Variants in ASTN2 observed in about 807,000 individuals in gnomAD.
The protein encoded by ASTN2 is astrotactin 2.
ASTN2 carries 54 observed loss-of-function variants against 139.8 expected under a neutral mutation model. The observed-to-expected ratio is 0.39, with a 90% CI of 0.31 to 0.48. The LOEUF is 0.48. Ranked by LOEUF, ASTN2 falls within the 20% of genes least tolerant of loss-of-function variation. ASTN2 has a pLI of 0.95. For synonymous variants in ASTN2, 756 were observed against 719.5 expected, an observed-to-expected ratio of 1.05 and a Z score of -0.81; for missense variants, 1,565 against 1,725.1, an observed-to-expected ratio of 0.91 and a Z score of 1.64.
intron 5 of ASTN2, among the ~76,000 whole-genome samples, chr9:117,075,785 T>G (rs1278065348): frequency 1.3e-5 from 2 of 152,236 alleles, no homozygotes; most frequent in East Asian, 3.9e-4. Flanking sequence ...CTCTTTTCCA[T>G]GCTGTTTACT....
intron 1 of ASTN2, among the ~76,000 whole-genome samples, chr9:117,329,800 T>C (rs931397949): frequency 1.1e-4 from 17 of 152,168 alleles, no homozygotes; most frequent in Admixed American, 8.5e-4. Flanking sequence ...CATTTATTGT[T>C]TACTATGTTC....
At chr9:116,719,683 A>C (rs1428536404) in intron 16 of ASTN2, among the ~76,000 whole-genome samples, 3 of 152,152 alleles carry the variant, frequency 2.0e-5, no homozygotes, top group African/African-American at 7.2e-5. Context: ...ATGACCATAG[A>C]AACAAGTCTA....
intron 10 of ASTN2, among the ~76,000 whole-genome samples, chr9:116,881,514 A>G (rs1833448771): frequency 6.6e-6 from 1 of 152,196 alleles, no homozygotes; most frequent in Non-Finnish European, 1.5e-5. Flanking sequence ...AGACTATAGC[A>G]CCTACCTCTC....
intron 10 of ASTN2, among the ~76,000 whole-genome samples, chr9:116,865,186 A>G (rs1397224199): frequency 1.3e-5 from 2 of 151,988 alleles, no homozygotes; most frequent in African/African-American, 4.8e-5. Flanking sequence ...GATGGTGAGG[A>G]AGGGCTGGGC....
intron 2 of ASTN2, among the ~76,000 whole-genome samples, chr9:117,242,561 C>T (rs1833248221): frequency 6.6e-6 from 1 of 152,148 alleles, no homozygotes; most frequent in Admixed American, 6.5e-5. Context: ...TAATAAATGC[C>T]TTATGGCACC....
intron 5 of ASTN2, among the ~76,000 whole-genome samples, chr9:117,090,909 T>C (rs1421834230): frequency 6.6e-6 from 1 of 152,230 alleles, no homozygotes; most frequent in Non-Finnish European, 1.5e-5. Flanking sequence ...CTCCCACCAC[T>C]AGCCCTCAGT....
intron 4 of ASTN2, among the ~76,000 whole-genome samples, chr9:117,126,345 G>A (rs560735502): frequency 6.6e-6 from 1 of 152,316 alleles, no homozygotes; most frequent in East Asian, 1.9e-4. Flanking sequence ...AAGCAGTCAG[G>A]TCTAAATTTA....
chr9:116,559,061 C>T (rs1029290867), intron 19 of ASTN2, among the ~76,000 whole-genome samples: 2 of 152,130 alleles, frequency 1.3e-5, no homozygotes, highest in Admixed American at 6.5e-5. Flanking sequence ...AGTTCTTACC[C>T]GACTCTACTT....
At position 116,509,049 on chromosome 9, in the gene ASTN2, C is replaced by T. The variant is rs577908587; in HGVS notation, c.3356-21549G>A. On this transcript the variant is annotated intron_variant, in intron 19 of 22. Transcript: ENST00000313400. ...TATAATTTAAGTTCTAGGGTACATG[C>T]GTACAACGTGCAGGTTAGTTACATA... Among the ~76,000 whole-genome samples the T allele has an allele frequency of 4.6e-5, 7 of 152,116 alleles. No individual in the cohort carries two copies. In the South Asian group the frequency reaches 8.3e-4, roughly 18 times the overall value.
chr9:117,083,252 G>A (rs777550337), intron 5 of ASTN2, among the ~76,000 whole-genome samples: 1 of 152,110 alleles, frequency 6.6e-6, no homozygotes, highest in Non-Finnish European at 1.5e-5. Context: ...CATTCAAAGC[G>A]TTTCTCAATC....
rs146557499 is a variant in ASTN2 at position 117,298,024 on chromosome 9, G to A, written c.443-6511C>T. 1.6e-4 allele frequency among the ~76,000 whole-genome samples: 24 copies of A among 152,222 alleles called. No homozygotes were observed. The East Asian group carries it at 4.1e-3, about 26-fold the overall frequency. Reference sequence around the variant, plus strand: ...CTCCTTAACAGGTATCCCTACCTTCGGGCTTCCTTCCTTCCAGCCAACCAT... The same window carrying A: ...CTCCTTAACAGGTATCCCTACCTTCAGGCTTCCTTCCTTCCAGCCAACCAT... On this transcript the variant is annotated intron_variant, in intron 1 of 22. Coordinates refer to ENST00000313400, the MANE Select transcript of ASTN2 (RefSeq NM_001365068.1).
intron 1 of ASTN2, among the ~76,000 whole-genome samples, chr9:117,384,113 G>A (rs573930221): frequency 5.4e-4 from 82 of 152,242 alleles, no homozygotes; most frequent in Admixed American, 2.2e-3. Flanking sequence ...AAATATGGGC[G>A]GTGGGACTGA....
intron 10 of ASTN2, among the ~76,000 whole-genome samples, chr9:116,964,256 T>C (rs111489847): frequency 0.032 from 3,161 of 98,786 alleles, 81 homozygotes; most frequent in Middle Eastern, 0.067. Context: ...TGTGTGTGTG[T>C]GCGCGCGCGC....
At chr9:117,220,710 T>C (rs1038286968) in intron 2 of ASTN2, among the ~76,000 whole-genome samples, 1 of 152,140 alleles carries the variant, frequency 6.6e-6, no homozygotes, top group Non-Finnish European at 1.5e-5. Context: ...GGAGGCTTGC[T>C]GACATCATGA....
In ASTN2 at chr9:116,725,709, C is replaced by T. The variant is rs892592876; in HGVS notation, c.2806+62G>A. 6 of 1,549,724 alleles carry T rather than the reference C, an allele frequency of 3.9e-6. No homozygotes were observed. In the African/African-American group the frequency reaches 4.1e-5, roughly 11 times the overall value. ...AGATCCAAGGCAGCTCAGTTGTCTC[C>T]CCAGACCCCTTGCCTCTATAGCCTG... On this transcript the variant is annotated intron_variant, in intron 16 of 22. Coordinates refer to ENST00000313400, the MANE Select transcript of ASTN2 (RefSeq NM_001365068.1).
intron 10 of ASTN2, among the ~76,000 whole-genome samples, chr9:116,948,698 A>AGTGTGT (rs112233837): frequency 0.027 from 3,620 of 135,304 alleles, 71 homozygotes; most frequent in Non-Finnish European, 0.037. Flanking sequence ...TATATGTGTG[A>AGTGTGT]GTGTGTGTGT....
At chr9:116,996,802 A>G (rs1837034302) in intron 7 of ASTN2, among the ~76,000 whole-genome samples, 1 of 152,044 alleles carries the variant, frequency 6.6e-6, no homozygotes, top group Non-Finnish European at 1.5e-5. Context: ...TTGATAATAT[A>G]TTTATTGTAA....
At chr9:117,375,140 G>C (rs1830090152) in intron 1 of ASTN2, among the ~76,000 whole-genome samples, 1 of 152,208 alleles carries the variant, frequency 6.6e-6, no homozygotes, top group South Asian at 2.1e-4. Context: ...CACACTGTTA[G>C]TTTGTAAGGA....
At chr9:116,531,427 T>A (rs1251378931) in intron 19 of ASTN2, among the ~76,000 whole-genome samples, 1 of 152,228 alleles carries the variant, frequency 6.6e-6, no homozygotes, top group African/African-American at 2.4e-5. Context: ...GCAGGTTTGT[T>A]ACATATGTAT....
Sources: allele counts gnomAD v4.1 joint callset (sites outside exome capture counted in the v4.1 genomes callset), GRCh38; gene constraint gnomAD v4.1.1; transcripts MANE v1.5; gene names NCBI Gene and HGNC (gene_info 2026-07-23, HGNC 2026-07-21).